The following USH2A variants were observed in gnomAD, a reference collection of about 807,000 sequenced individuals.
The protein encoded by USH2A is Usher syndrome 2A (autosomal recessive, mild).
USH2A carries 443 observed loss-of-function variants against 538.9 expected under a neutral mutation model. The observed-to-expected ratio is 0.82, with a 90% CI of 0.76 to 0.89. The LOEUF is 0.89. Among genes scored for constraint, USH2A ranks in the 40% least tolerant of loss-of-function variants. The probability of loss-of-function intolerance (pLI) is 0.00; values close to 1 mark genes in which losing one functional copy is unlikely to be tolerated. For missense variants in USH2A, 6,633 were observed against 6,324.8 expected (o/e 1.05, Z -1.65); for synonymous variants, 2,413 against 2,273.5 (o/e 1.06, Z -1.75).
intron 61 of USH2A, among the ~76,000 whole-genome samples, chr1:215,697,993 A>G (rs1658873789): frequency 6.6e-6 from 1 of 152,088 alleles, no homozygotes; most frequent in Non-Finnish European, 1.5e-5. Flanking sequence ...CCAGCCCCTG[A>G]CAGGCCCCAG....
At chr1:215,979,119 T>C (rs1383962684) in intron 35 of USH2A, among the ~76,000 whole-genome samples, 1 of 152,120 alleles carries the variant, frequency 6.6e-6, no homozygotes, top group Non-Finnish European at 1.5e-5. Flanking sequence ...CAAAGGGATG[T>C]TTTACATGGC....
chr1:216,194,451 T>C (rs2034793376), intron 19 of USH2A, among the ~76,000 whole-genome samples: 1 of 152,136 alleles, frequency 6.6e-6, no homozygotes, highest in Admixed American at 6.5e-5. Flanking sequence ...CTGAGGGTGA[T>C]TAATCACCAA....
At chr1:216,085,490 T>C (rs1359140126) in intron 24 of USH2A, among the ~76,000 whole-genome samples, 1 of 151,930 alleles carries the variant, frequency 6.6e-6, no homozygotes, top group African/African-American at 2.4e-5. Context: ...GAAGGTGCAC[T>C]GAGGTCGAAT....
chr1:216,299,966 G>A (rs2037182283), intron 9 of USH2A, among the ~76,000 whole-genome samples: 1 of 152,072 alleles, frequency 6.6e-6, no homozygotes, highest in Admixed American at 6.6e-5. Flanking sequence ...AGATGATACT[G>A]TTCTATTATC....
At chr1:215,759,969 G>A in intron 56 of USH2A, 126 bp from the exon 57 acceptor site, 2 of 1,053,178 alleles carry the variant, frequency 1.9e-6, no homozygotes, top group South Asian at 2.8e-5. Flanking sequence ...CTAACTGTAT[G>A]GAACAAAAAT....
At chr1:215,756,939 C>T (rs7519774) in intron 58 of USH2A, among the ~76,000 whole-genome samples, 116,664 of 144,752 alleles carry the variant, frequency 0.81, 49,301 homozygotes, top group Non-Finnish European at 0.93. Flanking sequence ...AACAAACAAA[C>T]AAATAAATAA....
intron 4 of USH2A, among the ~76,000 whole-genome samples, chr1:216,333,409 A>G (rs1353398908): frequency 6.6e-6 from 1 of 152,140 alleles, no homozygotes; most frequent in Non-Finnish European, 1.5e-5. Flanking sequence ...GAGATTATTC[A>G]GTGTGAGCAA....
rs776935886 is a variant in USH2A at position 216,250,909 on chromosome 1, C to T, written c.2161G>A (p.Val721Ile). Residue 721 changes from valine to isoleucine, a missense_variant, in exon 12 of 72, where the codon GTT becomes ATT. Transcript: ENST00000307340. ...ACTTTTGCGTTACACGTACCAATAA[C>T]GTTTGCTTTGCACTTGCACTGGCCT... ...NSGQCKCKAN[V>I]IGLRCDHCNF... 8 of 1,613,866 alleles carry T rather than the reference C, an allele frequency of 5.0e-6. No homozygotes were observed. The highest frequency in any genetic ancestry group is 2.2e-5 in the South Asian group (2 of 91,060).
In USH2A at chr1:216,325,498, C is replaced by T. The variant is rs760741238; in HGVS notation, c.950G>A (p.Arg317Gln). 5.6e-6 allele frequency: 9 copies of T among 1,613,680 alleles called. No homozygotes were observed. The highest frequency in any genetic ancestry group is 2.2e-5 in the East Asian group (1 of 44,810). ...TCCTGCATCATTAGGAATGCAGTAC[C>T]GCTGTGCCAAAGGGTGGACCCGCGG... The part of the protein sequence containing the change: ...SHPRVHPLAQ[R>Q]YCIPNDAGDT... The change falls in exon 6 of 72, where the codon CGG becomes CAG. Residue 317 changes from arginine to glutamine, a missense_variant. Arg to Gln is a conservative substitution (Grantham distance 43). Coordinates refer to ENST00000307340, the MANE Select transcript of USH2A (RefSeq NM_206933.4).
chr1:215,751,278 A>G (rs184581765), intron 58 of USH2A, among the ~76,000 whole-genome samples: 2 of 151,258 alleles, frequency 1.3e-5, no homozygotes, highest in African/African-American at 4.8e-5. Flanking sequence ...AATATTAATA[A>G]AAATTATTTA....
At chr1:216,180,550 A>G (rs2034473224) in intron 20 of USH2A, among the ~76,000 whole-genome samples, 1 of 152,108 alleles carries the variant, frequency 6.6e-6, no homozygotes, top group Admixed American at 6.6e-5. Flanking sequence ...CCATAGGATA[A>G]GAACTAAAAG....
Position 216,086,794 on chromosome 1 carries a change from T to G in USH2A, c.4912A>C (p.Thr1638Pro). ...TGSSAILNGS[T>P]VIGDNTGVFL... ...ACTCCTGTGTTATCTCCAATAACAGTACTACCATTCAGGATGGCAGAGGAA... is the reference window on the plus strand; with the variant it reads ...ACTCCTGTGTTATCTCCAATAACAGGACTACCATTCAGGATGGCAGAGGAA... Residue 1638 changes from threonine (T) to proline (P), a missense_variant, in exon 24 of 72, where the codon ACT becomes CCT. Transcript: ENST00000307340. 4 of 1,612,812 alleles carry G rather than the reference T, an allele frequency of 2.5e-6. No homozygotes were observed. Among genetic ancestry groups the G allele is most frequent in the Non-Finnish European group, 3.4e-6 (4 of 1,179,130 alleles).
At chr1:216,374,251 A>G in intron 3 of USH2A, among the ~76,000 whole-genome samples, 1 of 150,604 alleles carries the variant, frequency 6.6e-6, no homozygotes, top group African/African-American at 2.4e-5. Context: ...CTTAAAGTAT[A>G]ATAATAATAA....
intron 21 of USH2A, among the ~76,000 whole-genome samples, chr1:216,148,024 C>T (rs532080100): frequency 2.1e-5 from 3 of 144,256 alleles, no homozygotes; most frequent in South Asian, 2.4e-4. Context: ...AAGACTGACA[C>T]TGCCCGATCG....
Position 215,798,896 on chromosome 1 carries a change from G to C in USH2A, c.9958+11C>G. The C allele has an allele frequency of 6.2e-7, 1 of 1,613,902 alleles. No homozygotes were observed. The highest frequency in any genetic ancestry group is 1.1e-5 in the South Asian group (1 of 91,072). ...CCTCCATCTACTGAAAGGTAGACCT[G>C]GGCCCCTTACCTGGAAGGCGATTGT... On this transcript the variant is annotated intron_variant, in intron 50 of 71. Coordinates refer to ENST00000307340, the MANE Select transcript of USH2A (RefSeq NM_206933.4).
chr1:216,416,349 G>A (rs1479035169), intron 3 of USH2A, among the ~76,000 whole-genome samples: 4 of 152,006 alleles, frequency 2.6e-5, no homozygotes, highest in Non-Finnish European at 5.9e-5. Flanking sequence ...TATTTAATAA[G>A]TGCTAGATGA....
chr1:216,325,167 T>G, intron 6 of USH2A, 138 bp downstream of exon 6: 1 of 1,020,676 alleles, frequency 9.8e-7, no homozygotes, highest in South Asian at 1.5e-5. Flanking sequence ...AATGTAGCCC[T>G]GCCAACATGT....
At chr1:215,934,886 C>G (rs188408090) in intron 37 of USH2A, 91 bp from the exon 38 acceptor site, 4 of 1,257,926 alleles carry the variant, frequency 3.2e-6, no homozygotes. Flanking sequence ...TCTAAATATA[C>G]TGTACCAAAT....
chr1:215,629,773 CTTTTTTTTTTTT>C (rs34349385), intron 70 of USH2A, among the ~76,000 whole-genome samples: 4 of 125,058 alleles, frequency 3.2e-5, no homozygotes, highest in African/African-American at 1.3e-4. Context: ...CTTTTCTTTT[CTTTTTTTTTTTT>C]TTTTTTTTGA....
Sources: allele counts gnomAD v4.1 joint callset (sites outside exome capture counted in the v4.1 genomes callset), GRCh38; gene constraint gnomAD v4.1.1; transcripts MANE v1.5; gene names NCBI Gene and HGNC (gene_info 2026-07-23, HGNC 2026-07-21).